The following MSH6 variants were observed in gnomAD, a reference collection of about 807,000 sequenced individuals.
MSH6 encodes mutS homolog 6.
Under a neutral mutation model 119.1 loss-of-function variants are expected in MSH6, and 85 were observed. The ratio of observed to expected loss-of-function variants is 0.71; its 90% CI spans 0.60 to 0.85. The LOEUF (loss-of-function observed/expected upper bound fraction) is 0.85, where lower values mean the gene tolerates loss of function less well. Among genes scored for constraint, MSH6 ranks in the 40% least tolerant of loss-of-function variants. MSH6 has a pLI of 0.00. For synonymous variants in MSH6, 830 were observed against 586.9 expected (o/e 1.41, Z -5.99); for missense variants, 2,163 against 1,655.3 (o/e 1.31, Z -5.32).
intron 1 of MSH6, among the ~76,000 whole-genome samples, chr2:47,786,345 T>TG (rs2103991157): frequency 6.6e-6 from 1 of 152,212 alleles, no homozygotes; most frequent in East Asian, 1.9e-4. Flanking sequence ...GTATTTTTTT[T>TG]TTTTTTGAGA....
rs765763906 is a variant in MSH6 at position 47,801,137 on chromosome 2, G to A, written c.3154G>A (p.Glu1052Lys). The change falls in exon 4 of 10, where the codon GAG becomes AAG. Residue 1052 changes from glutamate to lysine, a missense_variant. Transcript: ENST00000234420. Reference sequence around the variant, plus strand: ...TTACAAGGACTGGCAGTCTGCTGTAGAGTGTATCGCAGTGTTGGGTAAGAC... The same window carrying A: ...TTACAAGGACTGGCAGTCTGCTGTAAAGTGTATCGCAGTGTTGGGTAAGAC... ...KNYKDWQSAV[E>K]CIAVLDVLLC... 1 of 1,611,388 alleles carries A rather than the reference G, an allele frequency of 6.2e-7. No individual in the cohort carries two copies. The highest frequency in any genetic ancestry group is 1.1e-5 in the South Asian group (1 of 91,064).
rs1479863490 is a variant in MSH6 at position 47,783,173 on chromosome 2, T to A, written c.-61T>A. ...TTTCCCGCCAGCAGGAGCCGCGCGG[T>A]AGATGCGGTGCTTTTAGGAGCTCCG... On this transcript the variant is annotated 5_prime_UTR_variant, in exon 1 of 10. Transcript: ENST00000234420. The A allele has an allele frequency of 6.3e-7, 1 of 1,598,590 alleles. No individual in the cohort carries two copies. The highest frequency in any genetic ancestry group is 8.5e-7 in the Non-Finnish European group (1 of 1,173,838).
At position 47,783,496 on chromosome 2, in the gene MSH6, A is replaced by G. The variant is rs1553408474; in HGVS notation, c.260+3A>G. The G allele has an allele frequency of 9.2e-6, 13 of 1,414,358 alleles. No individual in the cohort carries two copies. The highest frequency in any genetic ancestry group is 1.2e-5 in the Non-Finnish European group (13 of 1,083,174). 87.6% of individuals were successfully genotyped at this position (1,414,358 alleles called of 1,614,324 possible). A position where few individuals can be genotyped will look rare whatever the true frequency, so the allele number is the denominator to read the frequency against. ...GTAGCGCCTGCTGCCCCCACCAGGTAGCGGGGTGGGGGTGGGGTCGAAGGC... is the reference window on the plus strand; with the variant it reads ...GTAGCGCCTGCTGCCCCCACCAGGTGGCGGGGTGGGGGTGGGGTCGAAGGC... On this transcript the variant is annotated splice_donor_region_variant and intron_variant, in intron 1 of 9. Transcript: ENST00000234420.
rs1298565919 is a variant in MSH6, at chr2:47,791,023, C to T, written c.357C>T (p.Phe119=). The T allele has an allele frequency of 6.2e-7, 1 of 1,614,214 alleles. No individual in the cohort carries two copies. Among genetic ancestry groups the T allele is most frequent in the Non-Finnish European group, 8.5e-7 (1 of 1,180,034 alleles). Reference sequence around the variant, plus strand: ...ACAACCACCCCTTTGATGGAACATTCATCCGCGAGAAAGGGAAATCAGTCC... The same window carrying T: ...ACAACCACCCCTTTGATGGAACATTTATCCGCGAGAAAGGGAAATCAGTCC... The part of the protein sequence containing the change: ...LVYNHPFDGT[F]IREKGKSVRV... Residue 119 remains phenylalanine (F), a synonymous_variant, in exon 2 of 10, where the codon TTC becomes TTT. Coordinates refer to ENST00000234420, the MANE Select transcript of MSH6 (RefSeq NM_000179.3).
chr2:47,806,749 A>AACTT lies in MSH6; in HGVS notation c.4002-29_4002-26dup, dbSNP rs769604763. 48 of 1,473,108 alleles carry AACTT rather than the reference A, an allele frequency of 3.3e-5. No homozygotes were observed. The South Asian group carries it at 5.3e-4, about 16-fold the overall frequency. The allele number at this position is 1,473,108 out of a possible 1,614,324, so 91.3% of individuals were successfully genotyped here. A position where few individuals can be genotyped will look rare whatever the true frequency, so the allele number is the denominator to read the frequency against. Reference sequence around the variant, plus strand: ...ATGATGCACTATGAAAAAACAAAAAAACTTTTTTTTTTTTTTTTTTAATTT... The same window carrying AACTT: ...ATGATGCACTATGAAAAAACAAAAAAACTTACTTTTTTTTTTTTTTTTTTAATTT... On this transcript the variant is annotated intron_variant, in intron 9 of 9. Coordinates refer to ENST00000234420, the MANE Select transcript of MSH6 (RefSeq NM_000179.3).
intron 2 of MSH6, among the ~76,000 whole-genome samples, chr2:47,794,361 TC>T (rs749123361): frequency 1.3e-4 from 20 of 152,018 alleles, no homozygotes; most frequent in Non-Finnish European, 2.6e-4. Context: ...AATCTCTGTC[TC>T]CGGGGTTCAA....
At chr2:47,802,643 T>G (rs949515612) in intron 4 of MSH6, among the ~76,000 whole-genome samples, 13 of 151,570 alleles carry the variant, frequency 8.6e-5, no homozygotes, top group African/African-American at 1.9e-4. Context: ...CTGTTTTTTT[T>G]TTTTTTTTTT....
At chr2:47,802,806 GT>G (rs371873575) in intron 4 of MSH6, among the ~76,000 whole-genome samples, 3 of 152,234 alleles carry the variant, frequency 2.0e-5, no homozygotes, top group African/African-American at 7.2e-5. Flanking sequence ...CTCAGCACAG[GT>G]GTTCAAAAAC....
chr2:47,799,712 C>A lies in MSH6; in HGVS notation c.1729C>A (p.Arg577Ser), dbSNP rs542838372. Residue 577 changes from arginine (R) to serine (S), a missense_variant, in exon 4 of 10, where the codon CGC (arginine) becomes AGC (serine). Transcript: ENST00000234420. ...KFFIGQFSDD[R>S]HCSRFRTLVA... ...TTTCATAGGTCAGTTTTCAGATGAT[C>A]GCCATTGTTCGAGATTTAGGACTCT... is the stretch of plus-strand genomic sequence containing the variant. 1 of 1,614,142 alleles carries A rather than the reference C, an allele frequency of 6.2e-7. No homozygotes were observed. Among genetic ancestry groups the A allele is most frequent in the African/African-American group, 1.3e-5 (1 of 75,040 alleles).
chr2:47,801,105 A>G lies in MSH6; in HGVS notation c.3122A>G (p.Asp1041Gly), dbSNP rs1558668208. 1 of 1,612,770 alleles carries G rather than the reference A, an allele frequency of 6.2e-7. No homozygotes were observed. ...DCMRRLFYNF[D>G]KNYKDWQSAV... is the part of the protein sequence containing the mutation. ...ATGCGGCGACTGTTCTATAACTTTG[A>G]TAAAAATTACAAGGACTGGCAGTCT... is the stretch of plus-strand genomic sequence containing the variant. The change falls in exon 4 of 10, where the codon GAT becomes GGT. Residue 1041 changes from aspartate (D) to glycine (G), a missense_variant. Coordinates refer to ENST00000234420, the MANE Select transcript of MSH6 (RefSeq NM_000179.3).
At chr2:47,788,929 T>TTTTTTTTTTTTTTG (rs1668549549) in intron 1 of MSH6, among the ~76,000 whole-genome samples, 3 of 92,608 alleles carry the variant, frequency 3.2e-5, no homozygotes, top group African/African-American at 1.6e-4. Flanking sequence ...TTTGTTTTTT[T>TTTTTTTTTTTTTTG]TTTTTTTTTT....
chr2:47,790,932 A>T lies in MSH6; in HGVS notation c.266A>T (p.Asp89Val), dbSNP rs1311655109. The T allele has an allele frequency of 6.2e-7, 1 of 1,614,184 alleles. No individual in the cohort carries two copies. Among genetic ancestry groups the T allele is most frequent in the Admixed American group, 1.7e-5 (1 of 60,014 alleles). The change falls in exon 2 of 10, where the codon GAC (aspartate) becomes GTC (valine). Residue 89 changes from aspartate to valine, a missense_variant. Transcript: ENST00000234420. ...SVAPAAPTSC[D>V]FSPGDLVWAK... ...GTATTTCCTTTTGGCAACAGTTGTGACTTCTCACCAGGAGATTTGGTTTGG... is the reference window on the plus strand; with the variant it reads ...GTATTTCCTTTTGGCAACAGTTGTGTCTTCTCACCAGGAGATTTGGTTTGG...
chr2:47,800,980 C>T lies in MSH6; in HGVS notation c.2997C>T (p.Thr999=), dbSNP rs751279827. Reference sequence around the variant, plus strand: ...CAGAAGAATACGAGTTGAAATCTACCAAGAAGGGCTGTAAACGATACTGGA... The same window carrying T: ...CAGAAGAATACGAGTTGAAATCTACTAAGAAGGGCTGTAAACGATACTGGA... ...NLPEEYELKS[T]KKGCKRYWTK... The change falls in exon 4 of 10, where the codon ACC becomes ACT. Residue 999 remains threonine (T), a synonymous_variant. Coordinates refer to ENST00000234420, the MANE Select transcript of MSH6 (RefSeq NM_000179.3). The T allele has an allele frequency of 4.5e-6, 7 of 1,560,038 alleles. No individual in the cohort carries two copies. Among genetic ancestry groups the T allele is most frequent in the Non-Finnish European group, 6.1e-6 (7 of 1,156,006 alleles).
At chr2:47,806,716 G>T (rs2104572414) in intron 9 of MSH6, 63 bp from the exon 10 acceptor site, 2 of 1,576,514 alleles carry the variant, frequency 1.3e-6, no homozygotes, top group South Asian at 1.1e-5. Context: ...ACAGTAAAAG[G>T]GGAAGGGATG....
In MSH6 at chr2:47,799,073, G is replaced by A. The variant is rs1437629945; in HGVS notation, c.1090G>A (p.Val364Ile). Residue 364 changes from valine (V) to isoleucine (I), a missense_variant, in exon 4 of 10, where the codon GTT becomes ATT. Transcript: ENST00000234420. ...GGGDDSSRPT[V>I]WYHETLEWLK... Reference sequence around the variant, plus strand: ...TGGTGATGACAGTAGTCGCCCTACTGTTTGGTATCATGAAACTTTAGAATG... The same window carrying A: ...TGGTGATGACAGTAGTCGCCCTACTATTTGGTATCATGAAACTTTAGAATG... 9.9e-6 allele frequency: 16 copies of A among 1,614,166 alleles called. No individual in the cohort carries two copies. Among genetic ancestry groups the A allele is most frequent in the Non-Finnish European group, 1.4e-5 (16 of 1,180,022 alleles).
rs587779230 is a variant in MSH6 at position 47,800,081 on chromosome 2, C to G, written c.2098C>G (p.Leu700Val). The G allele has an allele frequency of 6.2e-7, 1 of 1,614,094 alleles. No homozygotes were observed. The highest frequency in any genetic ancestry group is 8.5e-7 in the Non-Finnish European group (1 of 1,180,026). Residue 700 changes from leucine (L) to valine (V), a missense_variant, in exon 4 of 10, where the codon CTT becomes GTT. By Grantham distance (32) the Leu-to-Val change is conservative. Coordinates refer to ENST00000234420, the MANE Select transcript of MSH6 (RefSeq NM_000179.3). ...CAAAAAATGCCTTATTGATCAGGAGCTTTTATCAATGGCTAATTTTGAAGA... is the reference window on the plus strand; with the variant it reads ...CAAAAAATGCCTTATTGATCAGGAGGTTTTATCAATGGCTAATTTTGAAGA... ...YLKKCLIDQE[L>V]LSMANFEEYI...
chr2:47,787,520 G>A (rs947383338), intron 1 of MSH6, among the ~76,000 whole-genome samples: 3 of 151,934 alleles, frequency 2.0e-5, no homozygotes, highest in Admixed American at 6.6e-5. Flanking sequence ...TTTCCCCACC[G>A]TCTTAAAAAA....
At chr2:47,808,369 ACTT>A, downstream of MSH6, 1 of 1,612,504 alleles carries the variant, frequency 6.2e-7, no homozygotes, top group African/African-American at 1.3e-5. Context: ...CCCTGATGGC[ACTT>A]CTTAATGCAG....
intron 1 of MSH6, among the ~76,000 whole-genome samples, chr2:47,785,913 G>A (rs1191672310): frequency 6.6e-6 from 1 of 152,214 alleles, no homozygotes; most frequent in Admixed American, 6.5e-5. Context: ...GTTATGGAGA[G>A]GATTCCAGGG....
Sources: gnomAD v4.1 joint callset for allele counts (sites outside exome capture counted in the v4.1 genomes callset) on GRCh38, gnomAD v4.1.1 for gene constraint, MANE v1.5 for transcripts, NCBI Gene and HGNC (gene_info 2026-07-23, HGNC 2026-07-21) for gene names.